The following TARBP1 variants were observed in gnomAD, a reference collection of about 807,000 sequenced individuals.
TARBP1 encodes tRNA guanosine 2 -O-methyltransferase TARBP1.
Under a neutral mutation model 178.6 loss-of-function variants are expected in TARBP1, and 144 were observed. That is an observed-to-expected ratio of 0.81 (90% CI 0.70 to 0.93). The LOEUF is 0.93. Ranked by LOEUF, TARBP1 falls within the 40% of genes least tolerant of loss-of-function variation. TARBP1 has a pLI of 0.00. For synonymous variants in TARBP1, 787 were observed against 781.0 expected (o/e 1.01, Z -0.13); for missense variants, 2,067 against 2,011.7 (o/e 1.03, Z -0.53).
intron 6 of TARBP1, among the ~76,000 whole-genome samples, chr1:234,461,532 C>T (rs1300516931): frequency 6.6e-6 from 1 of 152,160 alleles, no homozygotes; most frequent in African/African-American, 2.4e-5. Flanking sequence ...GTCTCAAACT[C>T]CCAACCTCAG....
intron 20 of TARBP1, among the ~76,000 whole-genome samples, chr1:234,422,057 T>C (rs1381858043): frequency 6.6e-6 from 1 of 152,226 alleles, no homozygotes; most frequent in Non-Finnish European, 1.5e-5. Context: ...TAGGTGTGTT[T>C]AGGTTTCACA....
chr1:234,473,350 A>G (rs1489053619), intron 1 of TARBP1, among the ~76,000 whole-genome samples: 1 of 152,278 alleles, frequency 6.6e-6, no homozygotes, highest in Non-Finnish European at 1.5e-5. Context: ...TTTAAGAAAC[A>G]GTCACATCCC....
rs552388710 is a variant in TARBP1, at chr1:234,423,422, C to T, written c.3444+2251G>A. Among the ~76,000 whole-genome samples the T allele has an allele frequency of 2.6e-5, 4 of 152,182 alleles. No individual in the cohort carries two copies. The East Asian group carries it at 7.7e-4, about 29-fold the overall frequency. On this transcript the variant is annotated intron_variant, in intron 20 of 29. Transcript: ENST00000040877. ...GCCCCTTCTTTAACTCCAGGTTCCC[C>T]TCCAGGAACGACCCCTGTTATTCCC...
chr1:234,468,527 T>C (rs1668689206), intron 3 of TARBP1, among the ~76,000 whole-genome samples: 1 of 152,136 alleles, frequency 6.6e-6, no homozygotes, highest in Non-Finnish European at 1.5e-5. Flanking sequence ...AAAAATTAAA[T>C]ATTACCCCAT....
intron 6 of TARBP1, among the ~76,000 whole-genome samples, chr1:234,460,832 A>G (rs1357201747): frequency 6.6e-6 from 1 of 152,264 alleles, no homozygotes; most frequent in African/African-American, 2.4e-5. Context: ...TGAAATATCT[A>G]TACAGTGAAA....
Position 234,445,655 on chromosome 1 carries a change from T to A in TARBP1, c.2134+1148A>T, listed in dbSNP as rs191593046. 1.4e-4 allele frequency among the ~76,000 whole-genome samples: 21 copies of A among 152,272 alleles called. No homozygotes were observed. The South Asian group carries it at 1.5e-3, about 11-fold the overall frequency. On this transcript the variant is annotated intron_variant, in intron 12 of 29. Transcript: ENST00000040877. Reference sequence around the variant, plus strand: ...AATATCTTCTTGAGGAATATCTATATATGCGCTAAAAATCCTTTTCTAAAA... The same window carrying A: ...AATATCTTCTTGAGGAATATCTATAAATGCGCTAAAAATCCTTTTCTAAAA...
intron 4 of TARBP1, among the ~76,000 whole-genome samples, chr1:234,466,535 A>C (rs1668456377): frequency 6.7e-6 from 1 of 149,454 alleles, no homozygotes; most frequent in Non-Finnish European, 1.5e-5. Context: ...TTATATCACT[A>C]TCTGAGAAAT....
intron 12 of TARBP1, among the ~76,000 whole-genome samples, chr1:234,438,661 A>G (rs1003987429): frequency 2.0e-5 from 3 of 152,174 alleles, no homozygotes; most frequent in African/African-American, 7.2e-5. Context: ...CAACGATCTT[A>G]TTTTTTCAAG....
chr1:234,455,377 T>C (rs1438311533), intron 9 of TARBP1, among the ~76,000 whole-genome samples: 2 of 152,048 alleles, frequency 1.3e-5, no homozygotes, highest in African/African-American at 2.4e-5. Context: ...GCATTGTCTG[T>C]AAAAGCCACA....
intron 12 of TARBP1, among the ~76,000 whole-genome samples, chr1:234,445,820 A>G (rs1307006732): frequency 6.6e-6 from 1 of 152,082 alleles, no homozygotes; most frequent in Admixed American, 6.6e-5. Flanking sequence ...GGATATATAT[A>G]ACTTTTATAT....
intron 15 of TARBP1, 84 bp from the exon 16 acceptor site, chr1:234,429,761 AG>A: frequency 1.5e-6 from 1 of 660,572 alleles, no homozygotes; most frequent in South Asian, 1.8e-5. Flanking sequence ...TCCTTTCTAA[AG>A]GTGGGGGGGG....
chr1:234,447,486 C>T (rs912998050), intron 11 of TARBP1, among the ~76,000 whole-genome samples: 2 of 147,096 alleles, frequency 1.4e-5, no homozygotes, highest in African/African-American at 5.0e-5. Context: ...GCTCAACCTC[C>T]CAGGCTCAAG....
intron 12 of TARBP1, among the ~76,000 whole-genome samples, chr1:234,438,974 TA>T (rs1665312090): frequency 6.6e-6 from 1 of 152,204 alleles, no homozygotes; most frequent in Non-Finnish European, 1.5e-5. Flanking sequence ...ACAGCATTTT[TA>T]AACTGATGAA....
Position 234,457,731 on chromosome 1 carries a change from G to A in TARBP1, c.1658C>T (p.Ser553Leu), listed in dbSNP as rs1244645389. ...TTGTCTCAGAGACATGAGAAAAGTT[G>A]AGACATCAGAAAGTGACACTTTCTC... is the stretch of plus-strand genomic sequence containing the variant. ...DVEKVSLSDV[S>L]TFLMSLRQEE... Residue 553 changes from serine to leucine, a missense_variant, in exon 9 of 30, where the codon TCA becomes TTA. Coordinates refer to ENST00000040877, the MANE Select transcript of TARBP1 (RefSeq NM_005646.4). 2 of 1,609,550 alleles carry A rather than the reference G, an allele frequency of 1.2e-6. No homozygotes were observed. The highest frequency in any genetic ancestry group is 1.7e-6 in the Non-Finnish European group (2 of 1,177,146).
rs1428450893 is a variant in TARBP1 at position 234,429,407 on chromosome 1, C to G, written c.2871+9G>C. 3.7e-6 allele frequency: 6 copies of G among 1,600,304 alleles called. No homozygotes were observed. In the East Asian group the frequency reaches 8.9e-5, roughly 24 times the overall value. ...GTTACTGTTCAATTCATGTTTCACT[C>G]TATCTTACCTTGGGAACCAACACTT... On this transcript the variant is annotated intron_variant, in intron 16 of 29. Transcript: ENST00000040877.
chr1:234,406,341 T>TC (rs1046165240), intron 23 of TARBP1: 2 of 497,586 alleles, frequency 4.0e-6, no homozygotes, highest in East Asian at 3.2e-5. Flanking sequence ...GCAGTACATT[T>TC]CCCCCCGCCC....
chr1:234,479,021 G>A lies in TARBP1; in HGVS notation c.83C>T (p.Ala28Val), dbSNP rs777672064. The A allele has an allele frequency of 3.9e-6, 6 of 1,525,388 alleles. No homozygotes were observed. In the East Asian group the frequency reaches 1.6e-4, roughly 41 times the overall value. 94.5% of individuals were successfully genotyped at this position (1,525,388 alleles called of 1,614,324 possible). A position where few individuals can be genotyped will look rare whatever the true frequency, so the allele number is the denominator to read the frequency against. The change falls in exon 1 of 30, where the codon GCA (alanine) becomes GTA (valine). Residue 28 changes from alanine (A) to valine (V), a missense_variant. Physicochemically the swap from Ala to Val is moderately conservative, Grantham distance 64. Transcript: ENST00000040877. ...ALLGALCQGE[A>V]SAERVETLRF... ...CAGCGTCTCCACGCGCTCCGCGGAT[G>A]CCTCCCCTTGGCACAGCGCCCCAAG...
intron 14 of TARBP1, among the ~76,000 whole-genome samples, chr1:234,432,756 A>C (rs1317084008): frequency 6.6e-6 from 1 of 152,110 alleles, no homozygotes; most frequent in African/African-American, 2.4e-5. Context: ...GAGTGGCTGC[A>C]ACGTCACGGC....
Position 234,478,912 on chromosome 1 carries a change from C to A in TARBP1, c.192G>T (p.Val64=). ...AGALPEAARE[V]AAGYLVPLLR... ...GCAGTGGCACGAGGTACCCTGCAGC[C>A]ACCTCGCGCGCCGCCTCCGGGAGCG... Residue 64 remains valine, a synonymous_variant, in exon 1 of 30, where the codon GTG becomes GTT. Coordinates refer to ENST00000040877, the MANE Select transcript of TARBP1 (RefSeq NM_005646.4). 2.1e-6 allele frequency: 3 copies of A among 1,423,888 alleles called. No homozygotes were observed. The highest frequency in any genetic ancestry group is 2.7e-6 in the Non-Finnish European group (3 of 1,098,102). 88.2% of individuals were successfully genotyped at this position (1,423,888 alleles called of 1,614,324 possible). A position where few individuals can be genotyped will look rare whatever the true frequency, so the allele number is the denominator to read the frequency against.
Sources: gnomAD v4.1 joint callset for allele counts (sites outside exome capture counted in the v4.1 genomes callset) on GRCh38, gnomAD v4.1.1 for gene constraint, MANE v1.5 for transcripts, NCBI Gene and HGNC (gene_info 2026-07-23, HGNC 2026-07-21) for gene names.